PPFIBP1: variants seen among roughly 807,000 people sequenced by gnomAD.
PPFIBP1 encodes the protein PPFIB scaffold protein 1.
In PPFIBP1, 112 loss-of-function variants were observed where a neutral mutation model predicts 137.8. The observed-to-expected ratio is 0.81, with a 90% CI of 0.70 to 0.95. The LOEUF is 0.95. PPFIBP1 is among the 40% of genes least tolerant of loss of function. PPFIBP1 has a pLI of 0.00. For missense variants in PPFIBP1, 1,083 were observed against 1,196.6 expected, an observed-to-expected ratio of 0.91 and a Z score of 1.40; for synonymous variants, 378 against 417.3, an observed-to-expected ratio of 0.91 and a Z score of 1.15.
chr12:27,678,342 A>G (rs547612578), intron 19 of PPFIBP1, among the ~76,000 whole-genome samples: 1 of 152,336 alleles, frequency 6.6e-6, no homozygotes, highest in African/African-American at 2.4e-5. Flanking sequence ...ACAGGCACTT[A>G]CTTTATGTCA....
At chr12:27,647,883 G>C (rs2058635191) in intron 6 of PPFIBP1, 41 bp downstream of exon 6, 1 of 1,582,034 alleles carries the variant, frequency 6.3e-7, no homozygotes, top group Non-Finnish European at 8.6e-7. Context: ...TTTCCCTGCT[G>C]AACTATGTGA....
At chr12:27,614,235 C>A (rs1208120100) in intron 2 of PPFIBP1, among the ~76,000 whole-genome samples, 3 of 152,016 alleles carry the variant, frequency 2.0e-5, no homozygotes, top group East Asian at 1.9e-4. Context: ...ATAAATTAGC[C>A]AAGTGTAGTG....
intron 18 of PPFIBP1, 179 bp from the exon 19 acceptor site, chr12:27,676,885 T>C (rs2060546990): frequency 1.2e-6 from 1 of 818,876 alleles, no homozygotes; most frequent in African/African-American, 1.7e-5. Context: ...GTTGTGATAG[T>C]GGATAAATTA....
chr12:27,595,496 G>A (rs1239612270), intron 2 of PPFIBP1, among the ~76,000 whole-genome samples: 1 of 152,176 alleles, frequency 6.6e-6, no homozygotes, highest in Non-Finnish European at 1.5e-5. Context: ...AGCCAGGAAT[G>A]TGGAGAGAGA....
chr12:27,548,977 C>CT (rs371538597), intron 1 of PPFIBP1: 1 of 152,322 alleles, frequency 6.6e-6, no homozygotes, highest in African/African-American at 2.4e-5. Flanking sequence ...GAGAGTCAAG[C>CT]TGCCATGGTG....
At chr12:27,582,407 T>A (rs2051228616) in intron 2 of PPFIBP1, among the ~76,000 whole-genome samples, 1 of 152,140 alleles carries the variant, frequency 6.6e-6, no homozygotes, top group Non-Finnish European at 1.5e-5. Context: ...TTAGTGGATG[T>A]GTGGTTTAAT....
In PPFIBP1 at chr12:27,603,852, C is replaced by T. The variant is rs1565855583; in HGVS notation, c.-36+25613C>T. On this transcript the variant is annotated intron_variant, in intron 2 of 29. Coordinates refer to ENST00000228425, the MANE Select transcript of PPFIBP1 (RefSeq NM_003622.4). ...CCAACAGTTGTTCTTCTTTTGGCAC[C>T]ATTCTAAATTGGGTAGACAACCCCC... Among the ~76,000 whole-genome samples, 9 of 152,240 alleles carry T rather than the reference C, an allele frequency of 5.9e-5. No individual in the cohort carries two copies. The South Asian group carries it at 1.2e-3, about 21-fold the overall frequency.
At chr12:27,558,407 C>T (rs2048874991) in intron 1 of PPFIBP1, among the ~76,000 whole-genome samples, 1 of 151,560 alleles carries the variant, frequency 6.6e-6, no homozygotes, top group Non-Finnish European at 1.5e-5. Flanking sequence ...TATCTCCTGC[C>T]CTTCCCACAA....
chr12:27,543,021 A>C (rs542331420), intron 1 of PPFIBP1, among the ~76,000 whole-genome samples: 58 of 152,336 alleles, frequency 3.8e-4, no homozygotes, highest in African/African-American at 1.4e-3. Context: ...AATCTGTTAC[A>C]TAACCCAGGG....
At chr12:27,687,985 T>C (rs1423985876) in intron 25 of PPFIBP1, among the ~76,000 whole-genome samples, 1 of 151,844 alleles carries the variant, frequency 6.6e-6, no homozygotes, top group Non-Finnish European at 1.5e-5. Flanking sequence ...CTCAGGAGGC[T>C]GAGGTAGGAG....
chr12:27,596,367 G>A (rs1177095906), intron 2 of PPFIBP1, among the ~76,000 whole-genome samples: 1 of 152,166 alleles, frequency 6.6e-6, no homozygotes, highest in Non-Finnish European at 1.5e-5. Context: ...GTTATAGTTA[G>A]AAAGAAGCAG....
chr12:27,681,047 C>T (rs1231177727), intron 21 of PPFIBP1, among the ~76,000 whole-genome samples: 1 of 152,104 alleles, frequency 6.6e-6, no homozygotes, highest in Non-Finnish European at 1.5e-5. Flanking sequence ...GGAACAAGAA[C>T]ACTATTTGTG....
At chr12:27,598,833 G>A (rs1014803655) in intron 2 of PPFIBP1, among the ~76,000 whole-genome samples, 2 of 151,970 alleles carry the variant, frequency 1.3e-5, no homozygotes, top group South Asian at 4.2e-4. Flanking sequence ...TTTTTTCTTA[G>A]GGCCTTAATT....
At chr12:27,570,541 A>T (rs1424508679) in intron 1 of PPFIBP1, among the ~76,000 whole-genome samples, 1 of 147,344 alleles carries the variant, frequency 6.8e-6, no homozygotes. Context: ...ATTAAATCAC[A>T]TTTAATTAAT....
intron 6 of PPFIBP1, chr12:27,648,103 T>A (rs2058652729): frequency 7.4e-6 from 3 of 407,242 alleles, no homozygotes; most frequent in Non-Finnish European, 1.3e-5. Context: ...TCAGATGGTT[T>A]CCTCTCACCC....
At chr12:27,641,831 C>A (rs545417062) in intron 4 of PPFIBP1, among the ~76,000 whole-genome samples, 7 of 152,022 alleles carry the variant, frequency 4.6e-5, no homozygotes, top group Non-Finnish European at 1.0e-4. Flanking sequence ...ACACAGGGGG[C>A]GGGACAATGA....
chr12:27,656,584 C>A (rs1453782531), intron 8 of PPFIBP1, 32 bp from the exon 9 acceptor site: 2 of 1,324,266 alleles, frequency 1.5e-6, no homozygotes, highest in Non-Finnish European at 2.2e-6. Context: ...CAGTCATGAT[C>A]TGCTATTTTT....
At chr12:27,647,320 G>T (rs1281231436) in intron 5 of PPFIBP1, among the ~76,000 whole-genome samples, 1 of 152,032 alleles carries the variant, frequency 6.6e-6, no homozygotes, top group Non-Finnish European at 1.5e-5. Context: ...CCTACCCCTG[G>T]CCAGGTTCTT....
At chr12:27,617,276 C>T (rs541383009) in intron 2 of PPFIBP1, among the ~76,000 whole-genome samples, 27 of 152,200 alleles carry the variant, frequency 1.8e-4, no homozygotes, top group South Asian at 4.2e-4. Flanking sequence ...ACTCAAGTTT[C>T]GAGGTGCCAC....
Sources: allele counts gnomAD v4.1 joint callset (sites outside exome capture counted in the v4.1 genomes callset), GRCh38; gene constraint gnomAD v4.1.1; transcripts MANE v1.5; gene names NCBI Gene and HGNC (gene_info 2026-07-23, HGNC 2026-07-21).